PTH2R: variants seen among roughly 807,000 people sequenced by gnomAD.
The protein encoded by PTH2R is parathyroid hormone 2 receptor.
Under a neutral mutation model 60.3 loss-of-function variants are expected in PTH2R, and 59 were observed. The observed-to-expected ratio is 0.98, with a 90% confidence interval of 0.79 to 1.22. The LOEUF (loss-of-function observed/expected upper bound fraction) is 1.22, where lower values mean the gene tolerates loss of function less well. Among genes scored for constraint, PTH2R ranks in the 50% most tolerant of loss-of-function variants. The pLI is 0.00. For synonymous variants in PTH2R, 256 were observed against 243.8 expected (o/e 1.05, Z -0.47); for missense variants, 749 against 682.6 (o/e 1.10, Z -1.08).
chr2:208,390,416 A>C (rs1010877690), intron 1 of PTH2R, among the ~76,000 whole-genome samples: 12 of 152,240 alleles, frequency 7.9e-5, no homozygotes, highest in African/African-American at 2.9e-4. Flanking sequence ...GGGAACCCCA[A>C]GACGATGAGT....
At chr2:208,429,175 C>A (rs1701920699) in intron 2 of PTH2R, among the ~76,000 whole-genome samples, 2 of 151,756 alleles carry the variant, frequency 1.3e-5, no homozygotes, top group South Asian at 4.2e-4. Context: ...GGTATGTATG[C>A]CCTCTAGTTT....
chr2:208,412,036 G>A (rs1407032710), intron 1 of PTH2R, among the ~76,000 whole-genome samples: 3 of 152,190 alleles, frequency 2.0e-5, no homozygotes, highest in Non-Finnish European at 2.9e-5. Flanking sequence ...GGGTGTGTAT[G>A]TATGTGAGAA....
At position 208,444,727 on chromosome 2, in the gene PTH2R, G is replaced by C. The variant is rs1559222347; in HGVS notation, c.700-7G>C. On this transcript the variant is annotated splice_polypyrimidine_tract_variant and splice_region_variant and intron_variant, in intron 6 of 12. Transcript: ENST00000272847. ...AATATGATGAAATTCTGGTTTATTT[G>C]TAATAGATCGGGTGCAAGATTGCTG... 1.9e-6 allele frequency: 3 copies of C among 1,612,228 alleles called. No individual in the cohort carries two copies. Among genetic ancestry groups the C allele is most frequent in the Non-Finnish European group, 2.5e-6 (3 of 1,179,112 alleles).
At chr2:208,386,664 G>A (rs1314214712) in intron 1 of PTH2R, among the ~76,000 whole-genome samples, 2 of 152,182 alleles carry the variant, frequency 1.3e-5, no homozygotes, top group Non-Finnish European at 2.9e-5. Flanking sequence ...GTCAAGATTA[G>A]TTTCTGGTGA....
chr2:208,458,875 T>C (rs933771914), intron 8 of PTH2R, among the ~76,000 whole-genome samples: 2 of 152,142 alleles, frequency 1.3e-5, no homozygotes, highest in Non-Finnish European at 2.9e-5. Context: ...ATTGATTCCA[T>C]GTCTTTCTTT....
At position 208,450,723 on chromosome 2, in the gene PTH2R, G is replaced by GTT. The variant is rs1386780844; in HGVS notation, c.854-25_854-24insTT. On this transcript the variant is annotated intron_variant, in intron 7 of 12. Transcript: ENST00000272847. ...CCTCCTTAATCTTAAAATAAATCTA[G>GTT]TCTCTGAATCATTTTCTGATTTCAG... The GTT allele has an allele frequency of 9.2e-6, 14 of 1,513,790 alleles. No individual in the cohort carries two copies. The African/African-American group carries it at 1.2e-4, about 13-fold the overall frequency. The allele number at this position is 1,513,790 out of a possible 1,614,324, so 93.8% of individuals were successfully genotyped here.
At chr2:208,426,732 C>T (rs1194549158) in intron 1 of PTH2R, among the ~76,000 whole-genome samples, 1 of 152,320 alleles carries the variant, frequency 6.6e-6, no homozygotes, top group African/African-American at 2.4e-5. Flanking sequence ...GAAGGTGCCT[C>T]CTTCTCCTTT....
chr2:208,415,814 G>T (rs1410081844), intron 1 of PTH2R, among the ~76,000 whole-genome samples: 1 of 152,150 alleles, frequency 6.6e-6, no homozygotes, highest in African/African-American at 2.4e-5. Context: ...TAAAAGTAAA[G>T]TTCAAAGTAA....
chr2:208,403,848 G>A (rs1701352508), upstream of PTH2R, among the ~76,000 whole-genome samples: 1 of 152,172 alleles, frequency 6.6e-6, no homozygotes, highest in Non-Finnish European at 1.5e-5. Context: ...ATCTTCAGTT[G>A]CCTGCACTGG....
At chr2:208,466,695 C>G (rs1702760977) in intron 9 of PTH2R, 1 of 152,122 alleles carries the variant, frequency 6.6e-6, no homozygotes, top group African/African-American at 2.4e-5. Flanking sequence ...CTCCTTTGCC[C>G]ATTTTTAAAT....
At chr2:208,415,776 T>C (rs1223802307) in intron 1 of PTH2R, among the ~76,000 whole-genome samples, 3 of 152,206 alleles carry the variant, frequency 2.0e-5, no homozygotes, top group Non-Finnish European at 4.4e-5. Flanking sequence ...AGATATCACA[T>C]AACTTCTTTT....
At chr2:208,419,555 T>C (rs1701709392) in intron 1 of PTH2R, among the ~76,000 whole-genome samples, 1 of 152,242 alleles carries the variant, frequency 6.6e-6, no homozygotes, top group Admixed American at 6.5e-5. Flanking sequence ...ATTTTGGCTT[T>C]TGTTGCCATT....
intron 8 of PTH2R, among the ~76,000 whole-genome samples, chr2:208,453,901 G>A (rs905424420): frequency 9.2e-5 from 14 of 152,130 alleles, no homozygotes; most frequent in African/African-American, 3.1e-4. Flanking sequence ...TTCATTGTGC[G>A]TAAAGAAACA....
intron 1 of PTH2R, among the ~76,000 whole-genome samples, chr2:208,422,049 G>T (rs1701766930): frequency 6.6e-6 from 1 of 152,186 alleles, no homozygotes. Flanking sequence ...ATCCAAGAAA[G>T]CTAGTGGTAT....
chr2:208,413,988 A>G (rs1266213516), intron 1 of PTH2R, among the ~76,000 whole-genome samples: 1 of 152,190 alleles, frequency 6.6e-6, no homozygotes, highest in East Asian at 1.9e-4. Context: ...AGCTGCAGGC[A>G]TATCCCCCAC....
At chr2:208,459,743 TG>T in intron 8 of PTH2R, 151 bp from the exon 9 acceptor site, 1 of 655,516 alleles carries the variant, frequency 1.5e-6, no homozygotes, top group East Asian at 2.8e-5. Context: ...TTCCCCCCAC[TG>T]GCTTGGGTGT....
At chr2:208,465,099 C>T (rs1702716490) in intron 9 of PTH2R, among the ~76,000 whole-genome samples, 1 of 150,670 alleles carries the variant, frequency 6.6e-6, no homozygotes, top group Admixed American at 6.6e-5. Context: ...CCTCAGCCTC[C>T]TGAGTAACTA....
chr2:208,365,213 A>G (rs1700553965), intron 1 of PTH2R, among the ~76,000 whole-genome samples: 1 of 152,160 alleles, frequency 6.6e-6, no homozygotes, highest in African/African-American at 2.4e-5. Flanking sequence ...GTTGAATAGA[A>G]GTGTCCAGAA....
At chr2:208,427,636 C>T (rs1701884132) in intron 1 of PTH2R, among the ~76,000 whole-genome samples, 1 of 152,148 alleles carries the variant, frequency 6.6e-6, no homozygotes, top group Non-Finnish European at 1.5e-5. Flanking sequence ...ACGCATCTCC[C>T]AAACTGTGAA....
Sources: allele counts gnomAD v4.1 joint callset (sites outside exome capture counted in the v4.1 genomes callset), GRCh38; gene constraint gnomAD v4.1.1; transcripts MANE v1.5; gene names NCBI Gene and HGNC (gene_info 2026-07-23, HGNC 2026-07-21).